Variants in XCR1 observed in about 807,000 individuals in gnomAD.
XCR1 encodes chemokine XC receptor 1.
For synonymous variants in XCR1, 187 were observed against 188.5 expected, an observed-to-expected ratio of 0.99 and a Z score of 0.06; for missense variants, 356 against 424.2, an observed-to-expected ratio of 0.84 and a Z score of 1.41.
At chr3:46,060,976 G>A (rs1193530591) in intron 4 of XCR1, among the ~76,000 whole-genome samples, 5 of 152,212 alleles carry the variant, frequency 3.3e-5, no homozygotes, top group Admixed American at 2.0e-4. Flanking sequence ...TGTGAAGTGA[G>A]TTCCTTACTC....
At chr3:46,046,656 A>G (rs1697634725) in intron 5 of XCR1, among the ~76,000 whole-genome samples, 1 of 152,192 alleles carries the variant, frequency 6.6e-6, no homozygotes, top group Non-Finnish European at 1.5e-5. Context: ...TTTGATTGGC[A>G]GTCCATCTGA....
intron 1 of XCR1, among the ~76,000 whole-genome samples, chr3:46,081,908 G>A (rs575248288): frequency 9.9e-5 from 15 of 151,836 alleles, no homozygotes; most frequent in South Asian, 6.2e-4. Flanking sequence ...CTTTATGTTC[G>A]TGTGTACCCA....
At chr3:46,046,557 T>TC (rs1297022040) in intron 5 of XCR1, among the ~76,000 whole-genome samples, 1 of 152,250 alleles carries the variant, frequency 6.6e-6, no homozygotes, top group African/African-American at 2.4e-5. Context: ...GTTGGTCATG[T>TC]CCCATGGGCC....
At position 46,021,651 on chromosome 3, in the gene XCR1, G is replaced by A; in HGVS notation, c.297C>T (p.Asp99=). 6.2e-7 allele frequency: 1 copy of A among 1,613,952 alleles called. No individual in the cohort carries two copies. The highest frequency in any genetic ancestry group is 1.1e-5 in the South Asian group (1 of 91,052). ...SPYHWGWVLG[D]FLCKLLNMIF... is the part of the protein sequence containing the mutation. ...TCATATTGAGGAGTTTGCAGAGGAAGTCTCCCAGCACCCAGCCCCAGTGGT... is the reference window on the plus strand; with the variant it reads ...TCATATTGAGGAGTTTGCAGAGGAAATCTCCCAGCACCCAGCCCCAGTGGT... Residue 99 remains aspartate (D), a synonymous_variant, in exon 2 of 2, where the codon GAC becomes GAT. Coordinates refer to ENST00000309285, the MANE Select transcript of XCR1 (RefSeq NM_001024644.2). The surrounding 1 kb of genome is among the most constrained non-coding windows in gnomAD (Gnocchi z 4.7).
chr3:46,029,171 A>G (rs9682015), upstream of XCR1, among the ~76,000 whole-genome samples: 5 of 152,280 alleles, frequency 3.3e-5, no homozygotes, highest in South Asian at 1.0e-3. Flanking sequence ...ATGAAATACA[A>G]TGGGGAAAGC....
At chr3:46,074,214 CTTTTTTT>C (rs35124592) in intron 3 of XCR1, among the ~76,000 whole-genome samples, 2,722 of 86,686 alleles carry the variant, frequency 0.031, 52 homozygotes, top group African/African-American at 0.067. Context: ...TGAAGGCCAT[CTTTTTTT>C]TTTTTTTTTT....
chr3:46,082,041 C>T (rs562010974), intron 1 of XCR1, among the ~76,000 whole-genome samples: 2 of 152,290 alleles, frequency 1.3e-5, no homozygotes, highest in East Asian at 3.9e-4. Flanking sequence ...TGGCCAATCC[C>T]TGTGCCACTA....
In XCR1 at chr3:46,021,044, G is replaced by A. The variant is rs1708131644; in HGVS notation, c.904C>T (p.Leu302Phe). ...AGCCGGCAGAACCAGAACTGCCGGA[G>A]AACATGTTTCAGGTGTGTGCGGAAC... ...VKFRTHLKHV[L>F]RQFWFCRLQA... Residue 302 changes from leucine (L) to phenylalanine (F), a missense_variant, in exon 2 of 2, where the codon CTC (leucine) becomes TTC (phenylalanine). Transcript: ENST00000309285. The surrounding 1 kb of genome is among the most constrained non-coding windows in gnomAD (Gnocchi z 4.7). 1 of 1,614,096 alleles carries A rather than the reference G, an allele frequency of 6.2e-7. No individual in the cohort carries two copies. Among genetic ancestry groups the A allele is most frequent in the African/African-American group, 1.3e-5 (1 of 75,072 alleles).
At chr3:46,056,217 A>C (rs1004192791) in intron 4 of XCR1, among the ~76,000 whole-genome samples, 13 of 151,676 alleles carry the variant, frequency 8.6e-5, no homozygotes, top group Admixed American at 1.3e-4. Context: ...TTTTCTTTTT[A>C]TTTTTAGTAG....
At position 46,021,375 on chromosome 3, in the gene XCR1, G is replaced by A. The variant is rs1708142648; in HGVS notation, c.573C>T (p.Asn191=). Residue 191 remains asparagine, a synonymous_variant, in exon 2 of 2, where the codon AAC becomes AAT. Transcript: ENST00000309285. The surrounding 1 kb of genome is among the most constrained non-coding windows in gnomAD (Gnocchi z 4.7). ...TWYLTSVYQH[N]LFFLLSLGII... is the part of the protein sequence containing the mutation. ...TCCCCAGGGACAGCAGGAAGAAGAG[G>A]TTGTGCTGGTAGACGGAGGTGAGGT... The A allele has an allele frequency of 1.2e-6, 2 of 1,614,178 alleles. No individual in the cohort carries two copies. The highest frequency in any genetic ancestry group is 1.7e-6 in the Non-Finnish European group (2 of 1,180,034).
At position 46,021,184 on chromosome 3, in the gene XCR1, A is replaced by C. The variant is rs138429796; in HGVS notation, c.764T>G (p.Ile255Ser). 3.5e-4 allele frequency: 562 copies of C among 1,614,230 alleles called. 1 individual carries two copies. The African/African-American group carries it at 6.6e-3, about 19-fold the overall frequency. Residue 255 changes from isoleucine to serine, a missense_variant, in exon 2 of 2, where the codon ATC becomes AGC. Ile to Ser is a moderately radical substitution (Grantham distance 142). Transcript: ENST00000309285. This position sits in a 1 kb window ranked among gnomAD's most constrained non-coding sequence, Gnocchi z 4.7. ...LFLQTLFRTQ[I>S]IRSCEAKQQL... Reference sequence around the variant, plus strand: ...CTGTTTGGCCTCGCAGCTCCGGATGATCTGGGTCCGAAACAGCGTCTGCAG... The same window carrying C: ...CTGTTTGGCCTCGCAGCTCCGGATGCTCTGGGTCCGAAACAGCGTCTGCAG...
At chr3:46,050,933 A>G (rs1697729115) in intron 5 of XCR1, among the ~76,000 whole-genome samples, 1 of 152,192 alleles carries the variant, frequency 6.6e-6, no homozygotes, top group Non-Finnish European at 1.5e-5. Flanking sequence ...TTTTGGAATA[A>G]CAAATACCGG....
upstream of XCR1, among the ~76,000 whole-genome samples, chr3:46,029,061 C>G (rs966893555): frequency 2.0e-5 from 3 of 152,176 alleles, no homozygotes; most frequent in Admixed American, 1.3e-4. Flanking sequence ...ATCCTTATGT[C>G]AGTACCATAG....
upstream of XCR1, among the ~76,000 whole-genome samples, chr3:46,030,666 C>T (rs1240420232): frequency 6.6e-6 from 1 of 152,232 alleles, no homozygotes; most frequent in Non-Finnish European, 1.5e-5. Flanking sequence ...AGAGCAGCTG[C>T]TACCATCATG....
intron 4 of XCR1, among the ~76,000 whole-genome samples, chr3:46,054,336 C>G (rs1697811279): frequency 6.6e-6 from 1 of 152,068 alleles, no homozygotes; most frequent in Admixed American, 6.5e-5. Context: ...AGCGATTGCC[C>G]TCAGCAAACC....
At chr3:46,065,550 C>T (rs1377551713) in intron 4 of XCR1, among the ~76,000 whole-genome samples, 3 of 152,322 alleles carry the variant, frequency 2.0e-5, no homozygotes, top group East Asian at 1.9e-4. Flanking sequence ...TTCACCGACT[C>T]CTGGGTGGAG....
intron 5 of XCR1, among the ~76,000 whole-genome samples, chr3:46,052,544 G>A (rs542405557): frequency 6.6e-6 from 1 of 152,240 alleles, no homozygotes; most frequent in South Asian, 2.1e-4. Context: ...ACAATATCCA[G>A]TTTTTCCACA....
intron 4 of XCR1, among the ~76,000 whole-genome samples, chr3:46,057,955 TCTG>T (rs1207106654): frequency 1.3e-5 from 2 of 151,500 alleles, no homozygotes; most frequent in African/African-American, 4.9e-5. Context: ...TATCTATCTA[TCTG>T]CCATCTATGT....
chr3:46,045,210 G>T (rs1697602712), intron 5 of XCR1, among the ~76,000 whole-genome samples: 1 of 152,042 alleles, frequency 6.6e-6, no homozygotes, highest in Admixed American at 6.6e-5. Context: ...CATGAGGTCA[G>T]GAGTTCAATA....
Sources: gnomAD v4.1 joint callset for allele counts (sites outside exome capture counted in the v4.1 genomes callset) on GRCh38, gnomAD v4.1.1 for gene constraint, Gnocchi (gnomAD v3.1) non-coding constraint, MANE v1.5 for transcripts, NCBI Gene and HGNC (gene_info 2026-07-23, HGNC 2026-07-21) for gene names.